Variants in KCNMB4 observed in about 807,000 individuals in gnomAD.
The protein encoded by KCNMB4 is calcium-activated potassium channel subunit beta-4.
KCNMB4 carries 3 observed loss-of-function variants against 20.7 expected under a neutral mutation model. The ratio of observed to expected loss-of-function variants is 0.14; its 90% confidence interval spans 0.07 to 0.37. KCNMB4 has a LOEUF of 0.37. KCNMB4 is among the 10% of genes least tolerant of loss of function. The pLI, the probability that KCNMB4 is intolerant of heterozygous loss-of-function variation, is 1.00. For missense variants in KCNMB4, 168 were observed against 265.9 expected (o/e 0.63, Z 2.56); for synonymous variants, 110 against 113.4 (o/e 0.97, Z 0.19).
intron 1 of KCNMB4, among the ~76,000 whole-genome samples, chr12:70,383,985 CT>C (rs1051053424): frequency 1.3e-5 from 2 of 152,168 alleles, no homozygotes; most frequent in Admixed American, 6.5e-5. Context: ...AGGAAAATCA[CT>C]TGAACCCAGG....
rs1168090072 is a variant in KCNMB4, at chr12:70,430,806, A to G, written c.*153A>G. 3 of 648,280 alleles carry G rather than the reference A, an allele frequency of 4.6e-6. No individual in the cohort carries two copies. Among genetic ancestry groups the G allele is most frequent in the Non-Finnish European group, 7.2e-6 (3 of 414,812 alleles). The allele number at this position is 648,280 out of a possible 1,614,324, so 40.2% of individuals were successfully genotyped here. A position where few individuals can be genotyped will look rare whatever the true frequency, so the allele number is the denominator to read the frequency against. ...CCTCAGTGGCAACAGAAACAGGCAC[A>G]ACTGGAAGACTTGGAACCTCAAAGC... On this transcript the variant is annotated 3_prime_UTR_variant, in exon 3 of 3. Coordinates refer to ENST00000258111, the MANE Select transcript of KCNMB4 (RefSeq NM_014505.6).
At chr12:70,393,751 T>C (rs893753803) in intron 1 of KCNMB4, among the ~76,000 whole-genome samples, 1 of 152,120 alleles carries the variant, frequency 6.6e-6, no homozygotes, top group Non-Finnish European at 1.5e-5. Context: ...TACAGAAACA[T>C]TTAAGGAGAG....
intron 2 of KCNMB4, among the ~76,000 whole-genome samples, chr12:70,417,829 T>TG (rs201153336): frequency 0.019 from 2,899 of 152,158 alleles, 47 homozygotes; most frequent in Non-Finnish European, 0.028. Flanking sequence ...CTTAGCAGGG[T>TG]GTGATGCTCT....
At chr12:70,379,337 A>G (rs936016903) in intron 1 of KCNMB4, among the ~76,000 whole-genome samples, 4 of 152,212 alleles carry the variant, frequency 2.6e-5, no homozygotes, top group Non-Finnish European at 2.9e-5. Flanking sequence ...TCTGTTGTTT[A>G]GTGTAGCCAC....
intron 2 of KCNMB4, among the ~76,000 whole-genome samples, chr12:70,419,417 G>T (rs1868992608): frequency 6.6e-6 from 1 of 152,070 alleles, no homozygotes; most frequent in Non-Finnish European, 1.5e-5. Flanking sequence ...AGAATGGGTT[G>T]GATAAATGTT....
chr12:70,393,493 G>GT, intron 1 of KCNMB4, among the ~76,000 whole-genome samples: 1 of 152,180 alleles, frequency 6.6e-6, no homozygotes, highest in African/African-American at 2.4e-5. Context: ...GAGCCACCAC[G>GT]CCCCGCCGTG....
At chr12:70,425,860 TG>T (rs1229316599) in intron 2 of KCNMB4, among the ~76,000 whole-genome samples, 3 of 152,226 alleles carry the variant, frequency 2.0e-5, no homozygotes, top group African/African-American at 7.2e-5. Context: ...CATTTTTAGC[TG>T]GGCGCAGTGG....
In KCNMB4 at chr12:70,417,350, G is replaced by A. The variant is rs149270268; in HGVS notation, c.465-13135G>A. Among the ~76,000 whole-genome samples, 24 of 152,296 alleles carry A rather than the reference G, an allele frequency of 1.6e-4. No homozygotes were observed. In the East Asian group the frequency reaches 2.3e-3, roughly 15 times the overall value. ...CATGCTGGGTCTGAAATTGTGACATGTATAGGAGCAGCAGCATTGGAGGCT... is the reference window on the plus strand; with the variant it reads ...CATGCTGGGTCTGAAATTGTGACATATATAGGAGCAGCAGCATTGGAGGCT... On this transcript the variant is annotated intron_variant, in intron 2 of 2. Coordinates refer to ENST00000258111, the MANE Select transcript of KCNMB4 (RefSeq NM_014505.6).
chr12:70,413,860 A>G (rs1336109185), intron 2 of KCNMB4, among the ~76,000 whole-genome samples: 3 of 152,192 alleles, frequency 2.0e-5, no homozygotes, highest in Admixed American at 2.0e-4. Context: ...GACAGAAAGT[A>G]TATTAAGTTT....
chr12:70,394,995 A>G (rs1001925646), intron 1 of KCNMB4, among the ~76,000 whole-genome samples: 3 of 152,116 alleles, frequency 2.0e-5, no homozygotes, highest in Non-Finnish European at 1.5e-5. Flanking sequence ...TGGCTCAGTT[A>G]TACTTTTTAT....
chr12:70,420,231 A>G (rs1447686032), intron 2 of KCNMB4, among the ~76,000 whole-genome samples: 1 of 152,228 alleles, frequency 6.6e-6, no homozygotes, highest in Non-Finnish European at 1.5e-5. Flanking sequence ...CTGTCTGAAT[A>G]GTGGCCCCCA....
chr12:70,427,662 A>G (rs1412884121), intron 2 of KCNMB4, among the ~76,000 whole-genome samples: 2 of 152,184 alleles, frequency 1.3e-5, no homozygotes, highest in East Asian at 3.9e-4. Flanking sequence ...TCTGAATAAA[A>G]CAAATATCTG....
chr12:70,418,192 C>T (rs565809831), intron 2 of KCNMB4, among the ~76,000 whole-genome samples: 7 of 151,822 alleles, frequency 4.6e-5, no homozygotes, highest in Admixed American at 1.3e-4. Context: ...GCCTTACAGA[C>T]ACCCAATGGA....
At chr12:70,384,642 T>G (rs1481495442) in intron 1 of KCNMB4, among the ~76,000 whole-genome samples, 2 of 152,150 alleles carry the variant, frequency 1.3e-5, no homozygotes, top group African/African-American at 4.8e-5. Flanking sequence ...CCCAACACTT[T>G]CAGAAGTCAA....
chr12:70,366,602 C>A lies in KCNMB4; in HGVS notation c.-133C>A. 1.9e-6 allele frequency: 1 copy of A among 517,838 alleles called. No homozygotes were observed. Among genetic ancestry groups the A allele is most frequent in the Non-Finnish European group, 2.7e-6 (1 of 364,140 alleles). 32.1% of individuals were successfully genotyped at this position (517,838 alleles called of 1,614,324 possible). A position where few individuals can be genotyped will look rare whatever the true frequency, so the allele number is the denominator to read the frequency against. ...CCCTTTGTTCTCGCGCGCTCCCCCT[C>A]GCCGCCCACTCCCCTGCTGTCGCGC... is the stretch of plus-strand genomic sequence containing the variant. On this transcript the variant is annotated 5_prime_UTR_variant, in exon 1 of 3. Transcript: ENST00000258111.
intron 2 of KCNMB4, among the ~76,000 whole-genome samples, chr12:70,416,052 G>A (rs934214295): frequency 6.6e-6 from 1 of 152,166 alleles, no homozygotes; most frequent in Non-Finnish European, 1.5e-5. Flanking sequence ...TTTAGATTAA[G>A]ATTATTTTTG....
Position 70,430,697 on chromosome 12 carries a change from C to T in KCNMB4, c.*44C>T, listed in dbSNP as rs771305151. Reference sequence around the variant, plus strand: ...GAAAGCAAAGTACAGAAGCTGTACTCATCGGCACGCGTCCACCTGCGGAAC... The same window carrying T: ...GAAAGCAAAGTACAGAAGCTGTACTTATCGGCACGCGTCCACCTGCGGAAC... On this transcript the variant is annotated 3_prime_UTR_variant, in exon 3 of 3. Coordinates refer to ENST00000258111, the MANE Select transcript of KCNMB4 (RefSeq NM_014505.6). 1 of 1,504,914 alleles carries T rather than the reference C, an allele frequency of 6.6e-7. No homozygotes were observed. The highest frequency in any genetic ancestry group is 1.4e-5 in the African/African-American group (1 of 70,032). The allele number at this position is 1,504,914 out of a possible 1,614,324, so 93.2% of individuals were successfully genotyped here.
chr12:70,408,335 CTT>C (rs1868669801), intron 2 of KCNMB4, among the ~76,000 whole-genome samples: 1 of 152,172 alleles, frequency 6.6e-6, no homozygotes, highest in Non-Finnish European at 1.5e-5. Flanking sequence ...TTAAAATAGA[CTT>C]ACTGTAGGGA....
At chr12:70,428,183 A>G (rs1356425037) in intron 2 of KCNMB4, among the ~76,000 whole-genome samples, 5 of 152,048 alleles carry the variant, frequency 3.3e-5, no homozygotes, top group African/African-American at 9.7e-5. Flanking sequence ...TTGTAGAGAC[A>G]GGGTTTCGCT....
Sources: allele counts gnomAD v4.1 joint callset (sites outside exome capture counted in the v4.1 genomes callset), GRCh38; gene constraint gnomAD v4.1.1; transcripts MANE v1.5; gene names NCBI Gene and HGNC (gene_info 2026-07-23, HGNC 2026-07-21).